The following DOCK4 variants were observed in gnomAD, a reference collection of about 807,000 sequenced individuals.
DOCK4 encodes dedicator of cytokinesis 4.
Under a neutral mutation model 268.1 loss-of-function variants are expected in DOCK4, and 97 were observed. That is an observed-to-expected ratio of 0.36 (90% confidence interval 0.31 to 0.43). The LOEUF (loss-of-function observed/expected upper bound fraction) is 0.43, where lower values mean the gene tolerates loss of function less well. Ranked by LOEUF, DOCK4 falls within the 20% of genes least tolerant of loss-of-function variation. DOCK4 has a pLI of 1.00. For synonymous variants in DOCK4, 954 were observed against 887.2 expected (o/e 1.08, Z -1.34); for missense variants, 2,145 against 2,455.7 (o/e 0.87, Z 2.67).
At chr7:112,157,438 C>T (rs1292522661) in intron 1 of DOCK4, among the ~76,000 whole-genome samples, 17 of 152,108 alleles carry the variant, frequency 1.1e-4, no homozygotes, top group Admixed American at 3.3e-4. Flanking sequence ...AAAGAAAGCA[C>T]CACTCTATAG....
chr7:111,897,552 C>G (rs76402591), intron 15 of DOCK4, among the ~76,000 whole-genome samples: 7,265 of 151,608 alleles, frequency 0.048, 254 homozygotes, highest in Non-Finnish European at 0.072. Flanking sequence ...CCCGTAAGAG[C>G]TGAGAGTGCA....
intron 35 of DOCK4, among the ~76,000 whole-genome samples, chr7:111,782,052 T>C (rs558412513): frequency 1.7e-4 from 26 of 152,368 alleles, no homozygotes; most frequent in African/African-American, 5.8e-4. Context: ...AGACTTTTCT[T>C]GTATTTTATA....
intron 30 of DOCK4, among the ~76,000 whole-genome samples, chr7:111,802,043 A>C (rs756033067): frequency 6.6e-6 from 1 of 152,078 alleles, no homozygotes; most frequent in African/African-American, 2.4e-5. Context: ...TGAAATATAA[A>C]TTCATAGCTC....
intron 42 of DOCK4, among the ~76,000 whole-genome samples, chr7:111,753,493 T>C (rs1316265290): frequency 1.3e-5 from 2 of 152,096 alleles, no homozygotes; most frequent in African/African-American, 2.4e-5. Context: ...AAAGGAAATA[T>C]AATATTTCTA....
chr7:112,032,516 G>T (rs1009272063), intron 1 of DOCK4, among the ~76,000 whole-genome samples: 1 of 152,162 alleles, frequency 6.6e-6, no homozygotes, highest in East Asian at 1.9e-4. Context: ...TTTAAAAAGG[G>T]CCTTTTTGTA....
At chr7:111,961,546 C>T (rs1013920920) in intron 8 of DOCK4, among the ~76,000 whole-genome samples, 1 of 152,206 alleles carries the variant, frequency 6.6e-6, no homozygotes, top group South Asian at 2.1e-4. Context: ...GAAGGTGGCA[C>T]TGATTTTGCC....
intron 27 of DOCK4, among the ~76,000 whole-genome samples, chr7:111,818,153 C>T (rs1290914765): frequency 6.6e-6 from 1 of 152,186 alleles, no homozygotes; most frequent in African/African-American, 2.4e-5. Flanking sequence ...ATGTGGCATG[C>T]CCTAGGGCTC....
chr7:111,987,141 C>A (rs916871859), intron 6 of DOCK4, among the ~76,000 whole-genome samples: 3 of 152,150 alleles, frequency 2.0e-5, no homozygotes, highest in Non-Finnish European at 4.4e-5. Flanking sequence ...TGAAGATGAT[C>A]TAAATAAATT....
intron 1 of DOCK4, 97 bp from the exon 2 acceptor site, chr7:112,004,228 T>C: frequency 1.1e-6 from 1 of 873,726 alleles, no homozygotes; most frequent in Non-Finnish European, 1.7e-6. Flanking sequence ...AAATAGGAAG[T>C]ATAATTTGAT....
At chr7:111,884,633 A>G (rs898049369) in intron 16 of DOCK4, among the ~76,000 whole-genome samples, 1 of 152,182 alleles carries the variant, frequency 6.6e-6, no homozygotes, top group African/African-American at 2.4e-5. Flanking sequence ...TTCAAATGCA[A>G]TAAGCTCACG....
At chr7:111,782,296 G>A (rs1193876164) in intron 35 of DOCK4, among the ~76,000 whole-genome samples, 1 of 152,116 alleles carries the variant, frequency 6.6e-6, no homozygotes, top group African/African-American at 2.4e-5. Flanking sequence ...TCTCAAAAAT[G>A]TCCTGCTTGG....
intron 26 of DOCK4, among the ~76,000 whole-genome samples, chr7:111,824,002 G>T (rs1458032565): frequency 6.6e-6 from 1 of 152,000 alleles, no homozygotes; most frequent in Non-Finnish European, 1.5e-5. Context: ...TAGCTTCTTT[G>T]GCATCAACAC....
At chr7:111,766,514 C>T (rs1191068262) in intron 38 of DOCK4, among the ~76,000 whole-genome samples, 1 of 152,160 alleles carries the variant, frequency 6.6e-6, no homozygotes, top group Non-Finnish European at 1.5e-5. Flanking sequence ...AGATATAAAA[C>T]ATTTGGTTCA....
intron 1 of DOCK4, among the ~76,000 whole-genome samples, chr7:112,128,919 TAA>T (rs1047059583): frequency 6.6e-6 from 1 of 151,848 alleles, no homozygotes; most frequent in African/African-American, 2.4e-5. Flanking sequence ...AATAAAAAAT[TAA>T]AAAAAACTGA....
At chr7:112,151,000 T>A (rs1300819697) in intron 1 of DOCK4, among the ~76,000 whole-genome samples, 1 of 152,172 alleles carries the variant, frequency 6.6e-6, no homozygotes, top group Non-Finnish European at 1.5e-5. Flanking sequence ...AAGTGGAAGG[T>A]GAGCAGCGTT....
In DOCK4 at chr7:111,972,323, C is replaced by T. The variant is rs139075046; in HGVS notation, c.701+4809G>A. Among the ~76,000 whole-genome samples, 352 of 151,626 alleles carry T rather than the reference C, an allele frequency of 2.3e-3. 5 individuals carry two copies. Among genetic ancestry groups the T allele is most frequent in the African/African-American group, 8.0e-3 (331 of 41,354 alleles). ...CCAGAGCACGGGGTCTGCAGCTCTA[C>T]TCTGCCTTTTGCCACTTAGAGAAGC... On this transcript the variant is annotated intron_variant, in intron 8 of 52. Transcript: ENST00000428084.
chr7:112,128,499 T>G (rs1198856795), intron 1 of DOCK4, among the ~76,000 whole-genome samples: 3 of 152,172 alleles, frequency 2.0e-5, no homozygotes, highest in Non-Finnish European at 4.4e-5. Context: ...GGGAAAAGAT[T>G]GAGAAATCGG....
At chr7:111,908,554 T>C (rs1298385096) in intron 13 of DOCK4, among the ~76,000 whole-genome samples, 1 of 152,194 alleles carries the variant, frequency 6.6e-6, no homozygotes, top group Non-Finnish European at 1.5e-5. Context: ...TATTTTGCTT[T>C]AAGTTCTGGG....
chr7:111,915,896 C>T lies in DOCK4; in HGVS notation c.1075G>A (p.Val359Ile), dbSNP rs770710179. The part of the protein sequence containing the change: ...NLTGSNAGLA[V>I]SLQLLHGDIE... Reference sequence around the variant, plus strand: ...TCTCCGTGCAATAGCTGTAAGGAAACTGCTAAACCTAAAACAGATGAGAGA... The same window carrying T: ...TCTCCGTGCAATAGCTGTAAGGAAATTGCTAAACCTAAAACAGATGAGAGA... Residue 359 changes from valine to isoleucine, a missense_variant, in exon 13 of 53, where the codon GTT (valine) becomes ATT (isoleucine). Val to Ile is a conservative substitution (Grantham distance 29, BLOSUM62 3). Around this residue, in one of 2 missense-constraint regions of DOCK4, gnomAD observed 1,598 missense variants for 1,986.7 expected, o/e 0.80. Transcript: ENST00000428084. The T allele has an allele frequency of 1.2e-6, 2 of 1,610,994 alleles. No individual in the cohort carries two copies. The highest frequency in any genetic ancestry group is 1.7e-6 in the Non-Finnish European group (2 of 1,178,648).
Sources: allele counts gnomAD v4.1 joint callset (sites outside exome capture counted in the v4.1 genomes callset), GRCh38; gene constraint gnomAD v4.1.1; regional missense constraint gnomAD v4.1.1; transcripts MANE v1.5; gene names NCBI Gene and HGNC (gene_info 2026-07-23, HGNC 2026-07-21).